The following GRB14 variants were observed in gnomAD, a reference collection of about 807,000 sequenced individuals.
The protein encoded by GRB14 is growth factor receptor bound protein 14.
In GRB14, 38 loss-of-function variants were observed where a neutral mutation model predicts 69.1. The ratio of observed to expected loss-of-function variants is 0.55; its 90% CI spans 0.42 to 0.72. The LOEUF is 0.72. Among genes scored for constraint, GRB14 ranks in the 30% least tolerant of loss-of-function variants. The pLI, the probability that GRB14 is intolerant of heterozygous loss-of-function variation, is 0.00. For synonymous variants in GRB14, 247 were observed against 241.3 expected (o/e 1.02, Z -0.22); for missense variants, 666 against 666.1 (o/e 1.00, Z 0.00).
intron 2 of GRB14, among the ~76,000 whole-genome samples, chr2:164,589,288 T>C (rs1269881252): frequency 6.6e-6 from 1 of 152,224 alleles, no homozygotes; most frequent in Non-Finnish European, 1.5e-5. Flanking sequence ...CAAAATCCTA[T>C]AAGCTCTACT....
intron 6 of GRB14, among the ~76,000 whole-genome samples, chr2:164,509,792 G>GAAA (rs10675642): frequency 0.016 from 1,347 of 86,034 alleles, 21 homozygotes; most frequent in African/African-American, 0.058. Context: ...AGAAGCAGTG[G>GAAA]AAAAAAAAAA....
intron 8 of GRB14, among the ~76,000 whole-genome samples, chr2:164,504,333 G>A (rs746913623): frequency 3.9e-5 from 6 of 152,004 alleles, no homozygotes; most frequent in Admixed American, 6.6e-5. Flanking sequence ...AATGGTAAAC[G>A]CTGGAAATAA....
chr2:164,554,817 C>T (rs947599372), intron 2 of GRB14, among the ~76,000 whole-genome samples: 3 of 151,928 alleles, frequency 2.0e-5, no homozygotes, highest in African/African-American at 4.8e-5. Flanking sequence ...CTAGACTGCT[C>T]TTCATAAAAA....
intron 2 of GRB14, among the ~76,000 whole-genome samples, chr2:164,565,218 T>A (rs1479549932): frequency 6.6e-6 from 1 of 152,118 alleles, no homozygotes; most frequent in African/African-American, 2.4e-5. Context: ...CTTAAAATGT[T>A]TTCTTTATGT....
intron 3 of GRB14, among the ~76,000 whole-genome samples, chr2:164,532,366 T>C: frequency 6.6e-6 from 1 of 152,220 alleles, no homozygotes; most frequent in Non-Finnish European, 1.5e-5. Context: ...TGTTTCATTA[T>C]TGTATTTAAT....
chr2:164,589,607 G>C (rs1574337418), intron 2 of GRB14, among the ~76,000 whole-genome samples: 2 of 152,152 alleles, frequency 1.3e-5, no homozygotes, highest in African/African-American at 4.8e-5. Context: ...CTCATGGAGA[G>C]ACAACTAATT....
chr2:164,548,938 T>A (rs1267248438), intron 2 of GRB14, among the ~76,000 whole-genome samples: 1 of 152,146 alleles, frequency 6.6e-6, no homozygotes, highest in East Asian at 1.9e-4. Flanking sequence ...AGTGCAATGG[T>A]GCGATTTCGG....
intron 3 of GRB14, among the ~76,000 whole-genome samples, chr2:164,532,344 G>A (rs1559038049): frequency 6.6e-6 from 1 of 152,200 alleles, no homozygotes. Flanking sequence ...CTGCATGTCT[G>A]AGTCTGACAG....
chr2:164,601,178 T>G (rs1459780483), intron 2 of GRB14, among the ~76,000 whole-genome samples: 1 of 152,132 alleles, frequency 6.6e-6, no homozygotes, highest in African/African-American at 2.4e-5. Flanking sequence ...GATCTTAGAA[T>G]GATCCAATTT....
intron 3 of GRB14, among the ~76,000 whole-genome samples, chr2:164,540,156 C>G (rs1200057294): frequency 6.6e-6 from 1 of 152,146 alleles, no homozygotes. Flanking sequence ...CCCTAGGCTG[C>G]TTCCTGAACA....
chr2:164,606,425 T>C (rs939030715), intron 2 of GRB14, among the ~76,000 whole-genome samples: 8 of 152,230 alleles, frequency 5.3e-5, no homozygotes, highest in African/African-American at 1.2e-4. Context: ...AAATCTGTAT[T>C]GAAGAGACTT....
At chr2:164,538,578 C>T (rs1688145247) in intron 3 of GRB14, among the ~76,000 whole-genome samples, 3 of 152,094 alleles carry the variant, frequency 2.0e-5, no homozygotes, top group African/African-American at 7.2e-5. Flanking sequence ...CAAGTAGAAC[C>T]ATATAATAAT....
chr2:164,513,069 T>C (rs535495434), intron 6 of GRB14, among the ~76,000 whole-genome samples: 2 of 152,304 alleles, frequency 1.3e-5, no homozygotes, highest in African/African-American at 4.8e-5. Flanking sequence ...CCTTTTGCCA[T>C]TTAATCTTGT....
chr2:164,585,595 A>G (rs1159561634), intron 2 of GRB14, among the ~76,000 whole-genome samples: 1 of 152,220 alleles, frequency 6.6e-6, no homozygotes, highest in Admixed American at 6.5e-5. Context: ...CAAAAAAATG[A>G]TAACTATATG....
At chr2:164,531,194 G>T (rs1181577228) in intron 3 of GRB14, among the ~76,000 whole-genome samples, 1 of 152,196 alleles carries the variant, frequency 6.6e-6, no homozygotes, top group Admixed American at 6.5e-5. Flanking sequence ...GACATCCAGT[G>T]ATCACTGAGC....
chr2:164,535,118 A>G (rs1688047673), intron 3 of GRB14, among the ~76,000 whole-genome samples: 2 of 152,182 alleles, frequency 1.3e-5, no homozygotes, highest in African/African-American at 4.8e-5. Flanking sequence ...AAGCTTCAAA[A>G]GCATTTTAAA....
In GRB14 at chr2:164,532,464, A is replaced by T. The variant is rs77468356; in HGVS notation, c.482-5329T>A. Among the ~76,000 whole-genome samples, 27 of 152,332 alleles carry T rather than the reference A, an allele frequency of 1.8e-4. 2 individuals are homozygous for T. In the East Asian group the frequency reaches 4.2e-3, roughly 24 times the overall value. On this transcript the variant is annotated intron_variant, in intron 3 of 13. Coordinates refer to ENST00000263915, the MANE Select transcript of GRB14 (RefSeq NM_004490.3). ...ACCTGTAAATGTTGCCTTATGTGGT[A>T]AAGCCTCTGCAGATGTCATTAAATT...
At chr2:164,614,579 G>T (rs1690241629) in intron 2 of GRB14, among the ~76,000 whole-genome samples, 1 of 152,150 alleles carries the variant, frequency 6.6e-6, no homozygotes, top group African/African-American at 2.4e-5. Flanking sequence ...ACGTAGAGAT[G>T]CAATGATGGG....
intron 2 of GRB14, among the ~76,000 whole-genome samples, chr2:164,571,798 A>G (rs766789723): frequency 2.0e-5 from 3 of 152,236 alleles, no homozygotes; most frequent in Non-Finnish European, 4.4e-5. Context: ...CACAAAGTCC[A>G]TAGCCACTAA....
Sources: gnomAD v4.1 joint callset for allele counts (sites outside exome capture counted in the v4.1 genomes callset) on GRCh38, gnomAD v4.1.1 for gene constraint, MANE v1.5 for transcripts, NCBI Gene and HGNC (gene_info 2026-07-23, HGNC 2026-07-21) for gene names.